The following NRXN1 variants were observed in gnomAD, a reference collection of about 807,000 sequenced individuals.
The protein encoded by NRXN1 is neurexin 1, also known as neurexin-1.
NRXN1 carries 39 observed loss-of-function variants against 150.9 expected under a neutral mutation model. The observed-to-expected ratio is 0.26, with a 90% confidence interval of 0.20 to 0.34. The LOEUF is 0.34. Among genes scored for constraint, NRXN1 ranks in the 10% least tolerant of loss-of-function variants. The pLI, the probability that NRXN1 is intolerant of heterozygous loss-of-function variation, is 1.00. For missense variants in NRXN1, 1,815 were observed against 1,949.9 expected (o/e 0.93, Z 1.30); for synonymous variants, 924 against 757.0 (o/e 1.22, Z -3.62).
intron 19 of NRXN1, among the ~76,000 whole-genome samples, chr2:50,057,022 T>C (rs547951612): frequency 1.3e-5 from 2 of 152,270 alleles, no homozygotes; most frequent in South Asian, 2.1e-4. Context: ...CAATTACTAC[T>C]ACAGTCTATT....
rs945372982 is a variant in NRXN1 at position 50,496,099 on chromosome 2, G to A, written c.2880-4C>T. 3.2e-6 allele frequency: 5 copies of A among 1,583,278 alleles called. No individual in the cohort carries two copies. Among genetic ancestry groups the A allele is most frequent in the Non-Finnish European group, 4.3e-6 (5 of 1,164,354 alleles). On this transcript the variant is annotated splice_region_variant and splice_polypyrimidine_tract_variant and intron_variant, in intron 14 of 22. Coordinates refer to ENST00000401669, the MANE Select transcript of NRXN1 (RefSeq NM_001330078.2). ...ATCAAACACGTAATGTAAGTACCTG[G>A]GAAAAAAATGAAAGAGGGGAAAGTG...
chr2:50,661,563 G>A lies in NRXN1; in HGVS notation c.833-37948C>T, dbSNP rs115734397. ...GGTCCTCAGTAATTACCCAACAGCT[G>A]TTTAGACACATAGCCCCAGAGGCTG... On this transcript the variant is annotated intron_variant, in intron 5 of 22. Coordinates refer to ENST00000401669, the MANE Select transcript of NRXN1 (RefSeq NM_001330078.2). Among the ~76,000 whole-genome samples the A allele has an allele frequency of 5.3e-3, 811 of 152,124 alleles. 1 individual carries two copies. Among genetic ancestry groups the A allele is most frequent in the Non-Finnish European group, 8.2e-3 (554 of 67,950 alleles).
intron 18 of NRXN1, among the ~76,000 whole-genome samples, chr2:50,101,416 T>G (rs972563026): frequency 4.6e-5 from 7 of 152,054 alleles, no homozygotes; most frequent in African/African-American, 1.7e-4. Context: ...ATTTGTGGAT[T>G]TCATTTACTT....
At chr2:50,757,000 A>C (rs1256777402) in intron 5 of NRXN1, among the ~76,000 whole-genome samples, 1 of 151,884 alleles carries the variant, frequency 6.6e-6, no homozygotes, top group African/African-American at 2.4e-5. Context: ...GAAAAGAAGC[A>C]TGGTATACTA....
At chr2:50,712,386 T>A (rs1490828960) in intron 5 of NRXN1, among the ~76,000 whole-genome samples, 1 of 152,246 alleles carries the variant, frequency 6.6e-6, no homozygotes, top group East Asian at 1.9e-4. Context: ...ATTCTTCAGA[T>A]TTAATAAATA....
rs1188367430 is a variant in NRXN1, at chr2:49,921,446, C to A, written c.*498G>T. ...AGTTCCAACCACTGCTCCAGTTGCA[C>A]CAGGCGGCAAACTCTTAAAGGTTTG... On this transcript the variant is annotated 3_prime_UTR_variant, in exon 23 of 23. Transcript: ENST00000401669. The A allele has an allele frequency of 1.3e-5, 2 of 153,172 alleles. No homozygotes were observed. Among genetic ancestry groups the A allele is most frequent in the Non-Finnish European group, 2.9e-5 (2 of 68,502 alleles). 9.5% of individuals were successfully genotyped at this position (153,172 alleles called of 1,614,324 possible). A position where few individuals can be genotyped will look rare whatever the true frequency, so the allele number is the denominator to read the frequency against.
At chr2:50,987,702 T>C (rs1440586213) in intron 2 of NRXN1, among the ~76,000 whole-genome samples, 1 of 151,960 alleles carries the variant, frequency 6.6e-6, no homozygotes, top group African/African-American at 2.4e-5. Context: ...TGTGTTATTT[T>C]GGAACATATA....
intron 17 of NRXN1, among the ~76,000 whole-genome samples, chr2:50,358,587 A>G (rs1449854101): frequency 6.6e-6 from 1 of 152,210 alleles, no homozygotes; most frequent in African/African-American, 2.4e-5. Context: ...CCAGTCAGGA[A>G]CTTATAGATA....
rs1313988068 is a variant in NRXN1 at position 50,974,808 on chromosome 2, A to G, written c.773-48853T>C. ...CTAATAATTTGCATTGTAACTAAAT[A>G]CATGTGCTCACATACCCACACACTC... On this transcript the variant is annotated intron_variant, in intron 2 of 22. Transcript: ENST00000401669. Among the ~76,000 whole-genome samples, 6 of 152,176 alleles carry G rather than the reference A, an allele frequency of 3.9e-5. No homozygotes were observed. In the East Asian group the frequency reaches 1.2e-3, roughly 29 times the overall value.
intron 5 of NRXN1, among the ~76,000 whole-genome samples, chr2:50,784,869 C>T (rs1704859138): frequency 6.6e-6 from 1 of 152,050 alleles, no homozygotes; most frequent in African/African-American, 2.4e-5. Flanking sequence ...GAGATCCTCT[C>T]TCCAGGGGCG....
At chr2:49,955,607 T>C (rs1180272052) in intron 21 of NRXN1, among the ~76,000 whole-genome samples, 1 of 124,522 alleles carries the variant, frequency 8.0e-6, no homozygotes, top group Non-Finnish European at 1.7e-5. Flanking sequence ...AACTATCATT[T>C]TGGGTTTTTT....
At chr2:50,789,328 C>T (rs760757949) in intron 5 of NRXN1, among the ~76,000 whole-genome samples, 1 of 152,042 alleles carries the variant, frequency 6.6e-6, no homozygotes, top group African/African-American at 2.4e-5. Flanking sequence ...TGAAATGATA[C>T]GGCTTAACAT....
chr2:50,177,431 C>G (rs1188621786), intron 18 of NRXN1, among the ~76,000 whole-genome samples: 1 of 151,964 alleles, frequency 6.6e-6, no homozygotes, highest in Non-Finnish European at 1.5e-5. Context: ...ACTTTGCTGT[C>G]CCATTTCTAT....
rs1380841476 is a variant in NRXN1, at chr2:50,220,128, A to G, written c.3546+16661T>C. Among the ~76,000 whole-genome samples, 3 of 148,570 alleles carry G rather than the reference A, an allele frequency of 2.0e-5. No individual in the cohort carries two copies. In the East Asian group the frequency reaches 6.0e-4, roughly 30 times the overall value. ...GAGAAATATGAGTCACACTAACACA[A>G]AGCATAATCAGCCTAACTCCTCAGT... On this transcript the variant is annotated intron_variant, in intron 18 of 22. Transcript: ENST00000401669.
intron 17 of NRXN1, among the ~76,000 whole-genome samples, chr2:50,370,834 C>CCTTTG (rs2153019421): frequency 6.6e-6 from 1 of 152,036 alleles, no homozygotes; most frequent in South Asian, 2.1e-4. Flanking sequence ...CTACTTAATT[C>CCTTTG]CTTTGCTCTG....
At chr2:50,088,605 A>G (rs1439125832) in intron 19 of NRXN1, among the ~76,000 whole-genome samples, 1 of 152,184 alleles carries the variant, frequency 6.6e-6, no homozygotes, top group African/African-American at 2.4e-5. Flanking sequence ...TGAAATAACT[A>G]TATGTAAAGA....
chr2:50,111,806 A>G (rs1486774482), intron 18 of NRXN1, among the ~76,000 whole-genome samples: 2 of 152,076 alleles, frequency 1.3e-5, no homozygotes, highest in Admixed American at 6.5e-5. Context: ...ATCACCTTCC[A>G]TTCTTTAACT....
chr2:50,713,988 G>A (rs1049362296), intron 5 of NRXN1, among the ~76,000 whole-genome samples: 1 of 152,064 alleles, frequency 6.6e-6, no homozygotes, highest in African/African-American at 2.4e-5. Flanking sequence ...AAATATTGAA[G>A]GAACAGAGAG....
intron 5 of NRXN1, among the ~76,000 whole-genome samples, chr2:50,677,064 A>C (rs1689650604): frequency 1.3e-5 from 2 of 152,152 alleles, no homozygotes; most frequent in Non-Finnish European, 2.9e-5. Flanking sequence ...GCTGCCAAGT[A>C]AGTATGAACT....
Sources: gnomAD v4.1 joint callset for allele counts (sites outside exome capture counted in the v4.1 genomes callset) on GRCh38, gnomAD v4.1.1 for gene constraint, MANE v1.5 for transcripts, NCBI Gene and HGNC (gene_info 2026-07-23, HGNC 2026-07-21) for gene names.